The following CNBD1 variants were observed in gnomAD, a reference collection of about 807,000 sequenced individuals.
CNBD1 encodes the protein cyclic nucleotide-binding domain-containing protein 1.
Under a neutral mutation model 54.4 loss-of-function variants are expected in CNBD1, and 71 were observed. The observed-to-expected ratio is 1.30, with a 90% CI of 1.08 to 1.59. CNBD1 has a LOEUF of 1.59. Among genes scored for constraint, CNBD1 ranks in the 40% most tolerant of loss-of-function variants. CNBD1 has a pLI of 0.00. For synonymous variants in CNBD1, 182 were observed against 170.7 expected, an observed-to-expected ratio of 1.07 and a Z score of -0.51; for missense variants, 659 against 518.0, an observed-to-expected ratio of 1.27 and a Z score of -2.64.
intron 4 of CNBD1, among the ~76,000 whole-genome samples, chr8:87,133,196 A>C (rs899808555): frequency 2.0e-5 from 3 of 152,006 alleles, no homozygotes; most frequent in African/African-American, 7.2e-5. Context: ...CATACTTGCT[A>C]CTTTAAAAAT....
At chr8:87,114,529 T>G (rs1457492054) in intron 4 of CNBD1, among the ~76,000 whole-genome samples, 2 of 152,124 alleles carry the variant, frequency 1.3e-5, no homozygotes, top group African/African-American at 2.4e-5. Flanking sequence ...TTTTGTATTT[T>G]TAGTAGAGAT....
downstream of CNBD1, among the ~76,000 whole-genome samples, chr8:87,387,445 G>A (rs1811212477): frequency 6.6e-6 from 1 of 151,958 alleles, no homozygotes; most frequent in South Asian, 2.1e-4. Context: ...AAAAAGGCAG[G>A]GGTTGCAACT....
chr8:87,269,818 T>C (rs537898211), intron 6 of CNBD1, among the ~76,000 whole-genome samples: 3 of 152,160 alleles, frequency 2.0e-5, no homozygotes, highest in South Asian at 2.1e-4. Flanking sequence ...GGATTCATAA[T>C]TGAATTCTAC....
intron 2 of CNBD1, among the ~76,000 whole-genome samples, chr8:87,396,042 A>G (rs1046934061): frequency 3.3e-5 from 5 of 151,948 alleles, no homozygotes; most frequent in Admixed American, 1.3e-4. Context: ...TCTTTTATAA[A>G]TTACTCAGGC....
intron 6 of CNBD1, among the ~76,000 whole-genome samples, chr8:87,247,714 G>A (rs1807835481): frequency 6.6e-6 from 1 of 152,170 alleles, no homozygotes; most frequent in Non-Finnish European, 1.5e-5. Flanking sequence ...ATTTCTGTAT[G>A]TAAGAGAAGA....
intron 2 of CNBD1, among the ~76,000 whole-genome samples, chr8:87,409,884 G>C (rs1489890862): frequency 6.6e-6 from 1 of 151,946 alleles, no homozygotes; most frequent in Non-Finnish European, 1.5e-5. Flanking sequence ...TTAGCCTGGT[G>C]TGGTGGTGTG....
At chr8:87,105,666 G>T (rs1252959909) in intron 4 of CNBD1, among the ~76,000 whole-genome samples, 1 of 152,104 alleles carries the variant, frequency 6.6e-6, no homozygotes, top group Non-Finnish European at 1.5e-5. Flanking sequence ...CTGACAAAGA[G>T]TATAGCTGCT....
intron 1 of CNBD1, among the ~76,000 whole-genome samples, chr8:86,884,516 A>G (rs1808652706): frequency 1.3e-5 from 2 of 152,216 alleles, no homozygotes; most frequent in South Asian, 4.1e-4. Context: ...ACTATGAACC[A>G]TTAACATAGG....
chr8:87,390,615 A>C (rs375055631), intron 2 of CNBD1, among the ~76,000 whole-genome samples: 29 of 152,270 alleles, frequency 1.9e-4, no homozygotes, highest in African/African-American at 6.0e-4. Context: ...GGATGTGGAG[A>C]AATAGGAACA....
chr8:87,324,946 A>G (rs1189500635), intron 8 of CNBD1, among the ~76,000 whole-genome samples: 1 of 108,204 alleles, frequency 9.2e-6, no homozygotes, highest in Admixed American at 8.3e-5. Context: ...ATTCAGTGCT[A>G]TAAATTTCCC....
intron 4 of CNBD1, among the ~76,000 whole-genome samples, chr8:86,971,738 T>C (rs1808223525): frequency 6.6e-6 from 1 of 152,156 alleles, no homozygotes; most frequent in Non-Finnish European, 1.5e-5. Flanking sequence ...TCTTATTATA[T>C]TTTCTAACTA....
chr8:87,195,244 T>C (rs1267810095), intron 4 of CNBD1, among the ~76,000 whole-genome samples: 2 of 124,586 alleles, frequency 1.6e-5, no homozygotes, highest in Non-Finnish European at 3.6e-5. Context: ...TTTTTTTTTT[T>C]CTGAGATGGA....
chr8:87,272,535 G>A (rs1585973693), intron 6 of CNBD1, among the ~76,000 whole-genome samples: 1 of 152,032 alleles, frequency 6.6e-6, no homozygotes, highest in South Asian at 2.1e-4. Flanking sequence ...TGGGAGAAAT[G>A]TTTTCCTTTG....
intron 4 of CNBD1, among the ~76,000 whole-genome samples, chr8:87,086,508 A>G (rs1811099246): frequency 6.6e-6 from 1 of 152,242 alleles, no homozygotes; most frequent in Non-Finnish European, 1.5e-5. Context: ...GTATATTGGC[A>G]AAAGTCTACA....
At chr8:87,370,932 A>C (rs1440178568) in intron 10 of CNBD1, among the ~76,000 whole-genome samples, 56 of 151,166 alleles carry the variant, frequency 3.7e-4, no homozygotes, top group Admixed American at 3.6e-3. Context: ...ATCCAGTTTC[A>C]GCTTTCTACA....
intron 4 of CNBD1, among the ~76,000 whole-genome samples, chr8:86,996,493 A>G (rs1251486590): frequency 6.6e-6 from 1 of 152,232 alleles, no homozygotes; most frequent in African/African-American, 2.4e-5. Context: ...CATTCCTCAC[A>G]TTGCTGTTTA....
chr8:87,031,361 A>G (rs1466448920), intron 4 of CNBD1, among the ~76,000 whole-genome samples: 1 of 152,166 alleles, frequency 6.6e-6, no homozygotes, highest in South Asian at 2.1e-4. Context: ...AAGGCAAGTA[A>G]AGCATCAAAC....
At chr8:86,941,456 A>G (rs1368774679) in intron 4 of CNBD1, among the ~76,000 whole-genome samples, 3 of 152,214 alleles carry the variant, frequency 2.0e-5, no homozygotes, top group Middle Eastern at 3.2e-3. Flanking sequence ...CCAGAAACCC[A>G]TGAATCACTC....
intron 2 of CNBD1, among the ~76,000 whole-genome samples, chr8:87,416,951 T>A (rs1807847296): frequency 6.6e-6 from 1 of 152,056 alleles, no homozygotes; most frequent in Admixed American, 6.6e-5. Flanking sequence ...AGAAATGCAG[T>A]CTGTATCTGA....
Sources: gnomAD v4.1 joint callset for allele counts (sites outside exome capture counted in the v4.1 genomes callset) on GRCh38, gnomAD v4.1.1 for gene constraint, MANE v1.5 for transcripts, NCBI Gene and HGNC (gene_info 2026-07-23, HGNC 2026-07-21) for gene names.